Variants in RAD23B observed in about 807,000 individuals in gnomAD.
RAD23B encodes the protein lysine-specific demethylase RAD23B.
A neutral mutation model predicts 49.1 loss-of-function variants in RAD23B; 5 were observed. The observed-to-expected ratio is 0.10, with a 90% CI of 0.05 to 0.21. The LOEUF is 0.21. RAD23B is among the 10% of genes least tolerant of loss of function. RAD23B has a pLI of 1.00. For missense variants in RAD23B, 356 were observed against 486.7 expected (o/e 0.73, Z 2.53); for synonymous variants, 184 against 165.4 (o/e 1.11, Z -0.86).
At chr9:107,305,110 G>A (rs1200372811) in intron 3 of RAD23B, among the ~76,000 whole-genome samples, 2 of 151,228 alleles carry the variant, frequency 1.3e-5, no homozygotes, top group East Asian at 1.9e-4. Flanking sequence ...GTAACATGGC[G>A]AAACCTTGTC....
chr9:107,318,835 G>A lies in RAD23B; in HGVS notation c.637G>A (p.Ala213Thr), dbSNP rs1355110072. 3 of 1,613,604 alleles carry A rather than the reference G, an allele frequency of 1.9e-6. No homozygotes were observed. Among genetic ancestry groups the A allele is most frequent in the Non-Finnish European group, 2.5e-6 (3 of 1,179,712 alleles). The stretch of plus-strand genomic sequence containing the variant: ...AGAGCAAGTAATTGCAGCCCTGAGA[G>A]CCAGTTTCAACAACCCTGACAGAGC... ...EREQVIAALR[A>T]SFNNPDRAVE... is the part of the protein sequence containing the mutation. The change falls in exon 6 of 10, where the codon GCC becomes ACC. Residue 213 changes from alanine (A) to threonine (T), a missense_variant. Physicochemically the swap from Ala to Thr is moderately conservative, Grantham distance 58. Around this residue, in one of 5 missense-constraint regions of RAD23B, gnomAD observed 148 missense variants for 231.7 expected, o/e 0.64. Transcript: ENST00000358015. The surrounding 1 kb of genome is among the most constrained non-coding windows in gnomAD (Gnocchi z 4.3).
chr9:107,289,956 A>G (rs1833348677), intron 1 of RAD23B, among the ~76,000 whole-genome samples: 1 of 152,192 alleles, frequency 6.6e-6, no homozygotes, highest in Non-Finnish European at 1.5e-5. Flanking sequence ...ATTTATGAAC[A>G]TTAAGGAACT....
intron 9 of RAD23B, among the ~76,000 whole-genome samples, chr9:107,327,325 G>T (rs952703177): frequency 2.3e-4 from 34 of 151,004 alleles, no homozygotes; most frequent in Admixed American, 2.6e-4. Context: ...CCTTTTTTAG[G>T]TTAGGTTTAG....
chr9:107,295,153 A>G (rs950557612), intron 1 of RAD23B, among the ~76,000 whole-genome samples: 1 of 152,170 alleles, frequency 6.6e-6, no homozygotes, highest in Non-Finnish European at 1.5e-5. Flanking sequence ...GTTTATCAGC[A>G]CAGTATTGCT....
intron 4 of RAD23B, among the ~76,000 whole-genome samples, chr9:107,309,452 A>C (rs190995124): frequency 6.6e-6 from 1 of 152,312 alleles, no homozygotes; most frequent in Non-Finnish European, 1.5e-5. Context: ...AACATTGTTC[A>C]TTTTCTGTGG....
intron 3 of RAD23B, among the ~76,000 whole-genome samples, chr9:107,302,712 G>A (rs1826681553): frequency 1.3e-5 from 2 of 149,930 alleles, no homozygotes. Flanking sequence ...CTGGAGCGCA[G>A]TGACGCTGTC....
rs538622873 is a variant in RAD23B, at chr9:107,286,878, CTGGT to C, written c.66+3185_66+3188del. Among the ~76,000 whole-genome samples the C allele has an allele frequency of 1.1e-4, 17 of 152,100 alleles. No individual in the cohort carries two copies. In the South Asian group the frequency reaches 3.5e-3, roughly 32 times the overall value. ...ACAAGGTCAGGAGATCGAGACCATCCTGGTTAACACGGTGAAACCCCGTCTCTAC... is the reference window on the plus strand; with the variant it reads ...ACAAGGTCAGGAGATCGAGACCATCCTAACACGGTGAAACCCCGTCTCTAC... On this transcript the variant is annotated intron_variant, in intron 1 of 9. Coordinates refer to ENST00000358015, the MANE Select transcript of RAD23B (RefSeq NM_002874.5).
At chr9:107,305,818 C>T (rs184664544) in intron 3 of RAD23B, among the ~76,000 whole-genome samples, 5 of 151,712 alleles carry the variant, frequency 3.3e-5, no homozygotes, top group African/African-American at 1.2e-4. Context: ...ATTTCAAGAA[C>T]ATTATTTTGG....
rs1587842584 is a variant in RAD23B, at chr9:107,283,669, A to C, written c.40A>C (p.Lys14Gln). 5 of 1,482,990 alleles carry C rather than the reference A, an allele frequency of 3.4e-6. No homozygotes were observed. The highest frequency in any genetic ancestry group is 4.5e-6 in the Non-Finnish European group (5 of 1,114,440). The allele number at this position is 1,482,990 out of a possible 1,614,324, so 91.9% of individuals were successfully genotyped here. A position where few individuals can be genotyped will look rare whatever the true frequency, so the allele number is the denominator to read the frequency against. The change falls in exon 1 of 10, where the codon AAG becomes CAG. Residue 14 changes from lysine (K) to glutamine (Q), a missense_variant. Lys to Gln is a moderately conservative substitution (Grantham distance 53). Coordinates refer to ENST00000358015, the MANE Select transcript of RAD23B (RefSeq NM_002874.5). ...TLKTLQQQTF[K>Q]IDIDPEETVK... The stretch of plus-strand genomic sequence containing the variant: ...GAAGACCCTCCAGCAGCAGACCTTC[A>C]AGATAGACATTGACCCCGAGGAGAC...
At chr9:107,294,014 G>A (rs1030422849) in intron 1 of RAD23B, among the ~76,000 whole-genome samples, 10 of 152,142 alleles carry the variant, frequency 6.6e-5, no homozygotes, top group African/African-American at 2.4e-4. Context: ...CAAACTATTG[G>A]GATAACAGGG....
At chr9:107,302,895 A>G (rs1200284831) in intron 3 of RAD23B, among the ~76,000 whole-genome samples, 5 of 152,066 alleles carry the variant, frequency 3.3e-5, no homozygotes, top group African/African-American at 1.2e-4. Flanking sequence ...TGACCTCGTG[A>G]TCCGCCCGCC....
rs11573718 is a variant in RAD23B at position 107,324,449 on chromosome 9, C to T, written c.946-385C>T. On this transcript the variant is annotated intron_variant, in intron 8 of 9. Transcript: ENST00000358015. ...TGGGGCTTCTTTAGTGATCAGATCA[C>T]CAAGTATTTGAATTTTATACAGCAT... Among the ~76,000 whole-genome samples, 845 of 152,226 alleles carry T rather than the reference C, an allele frequency of 5.6e-3. 4 individuals are homozygous for T. The highest frequency in any genetic ancestry group is 8.8e-3 in the Non-Finnish European group (599 of 68,026).
intron 4 of RAD23B, among the ~76,000 whole-genome samples, chr9:107,310,024 A>G (rs1297706763): frequency 1.3e-5 from 2 of 152,166 alleles, no homozygotes; most frequent in South Asian, 2.1e-4. Context: ...ATTATACAGT[A>G]ATGATTAAAA....
intron 9 of RAD23B, among the ~76,000 whole-genome samples, chr9:107,326,973 G>A (rs1316542693): frequency 6.6e-6 from 1 of 152,064 alleles, no homozygotes; most frequent in Non-Finnish European, 1.5e-5. Flanking sequence ...AGTTTTGGTG[G>A]TTTTTGACTT....
intron 4 of RAD23B, among the ~76,000 whole-genome samples, chr9:107,308,902 G>GAAGTGA (rs1826835252): frequency 6.6e-6 from 1 of 151,976 alleles, no homozygotes; most frequent in Non-Finnish European, 1.5e-5. Flanking sequence ...TGACTTTGTG[G>GAAGTGA]GAAGTCTGTT....
At chr9:107,294,388 G>A (rs532750331) in intron 1 of RAD23B, among the ~76,000 whole-genome samples, 1 of 152,256 alleles carries the variant, frequency 6.6e-6, no homozygotes, top group Admixed American at 6.5e-5. Context: ...TTCTAGCCTT[G>A]GTTATGTACT....
chr9:107,288,465 A>C (rs993316118), intron 1 of RAD23B, among the ~76,000 whole-genome samples: 2 of 152,112 alleles, frequency 1.3e-5, no homozygotes, highest in African/African-American at 4.8e-5. Flanking sequence ...TTTGTTTTTG[A>C]GATGCAGTCT....
At chr9:107,287,924 A>C (rs1357809727) in intron 1 of RAD23B, among the ~76,000 whole-genome samples, 1 of 151,748 alleles carries the variant, frequency 6.6e-6, no homozygotes, top group Admixed American at 6.6e-5. Context: ...ATCATTTATT[A>C]GTGAAGTATT....
At chr9:107,295,086 T>G (rs11573641) in intron 1 of RAD23B, among the ~76,000 whole-genome samples, 2,761 of 142,300 alleles carry the variant, frequency 0.019, 69 homozygotes, top group African/African-American at 0.064. Flanking sequence ...CAGCGGTGGG[T>G]GGGGGGGGAC....
Sources: allele counts gnomAD v4.1 joint callset (sites outside exome capture counted in the v4.1 genomes callset), GRCh38; gene constraint gnomAD v4.1.1; regional missense constraint gnomAD v4.1.1; non-coding constraint Gnocchi (gnomAD v3.1); transcripts MANE v1.5; gene names NCBI Gene and HGNC (gene_info 2026-07-23, HGNC 2026-07-21).